NME7: variants seen among roughly 807,000 people sequenced by gnomAD.
NME7 encodes the protein nucleoside diphosphate kinase 7.
A neutral mutation model predicts 49.1 loss-of-function variants in NME7; 41 were observed. That is an observed-to-expected ratio of 0.83 (90% CI 0.65 to 1.08). The LOEUF (loss-of-function observed/expected upper bound fraction) is 1.08. Ranked by LOEUF, NME7 falls within the 50% of genes least tolerant of loss-of-function variation. The pLI is 0.00. For synonymous variants in NME7, 139 were observed against 150.6 expected, an observed-to-expected ratio of 0.92 and a Z score of 0.56; for missense variants, 423 against 463.4, an observed-to-expected ratio of 0.91 and a Z score of 0.80.
chr1:169,278,650 C>T (rs1355480253), intron 7 of NME7, among the ~76,000 whole-genome samples: 2 of 152,110 alleles, frequency 1.3e-5, no homozygotes, highest in East Asian at 1.9e-4. Flanking sequence ...CTATAGCTTG[C>T]AGTAGTTTGA....
chr1:169,171,495 G>A (rs1190721078), intron 10 of NME7, among the ~76,000 whole-genome samples: 1 of 152,228 alleles, frequency 6.6e-6, no homozygotes, highest in Non-Finnish European at 1.5e-5. Context: ...TAGCGCGGTG[G>A]ATCATGCCTG....
intron 1 of NME7, among the ~76,000 whole-genome samples, chr1:169,345,936 G>C (rs1406306649): frequency 1.3e-5 from 2 of 152,028 alleles, no homozygotes; most frequent in African/African-American, 4.8e-5. Flanking sequence ...CCATTGCTCA[G>C]GACAAAATCC....
intron 7 of NME7, among the ~76,000 whole-genome samples, chr1:169,245,043 C>T (rs971692813): frequency 2.0e-5 from 3 of 152,098 alleles, no homozygotes; most frequent in South Asian, 2.1e-4. Flanking sequence ...GCACAAGAAT[C>T]GCTTGAACCC....
chr1:169,175,241 C>A (rs1659718764), intron 10 of NME7, among the ~76,000 whole-genome samples: 1 of 151,982 alleles, frequency 6.6e-6, no homozygotes, highest in Non-Finnish European at 1.5e-5. Flanking sequence ...CATATCTTGT[C>A]CCACTGGAAG....
intron 1 of NME7, among the ~76,000 whole-genome samples, chr1:169,363,167 A>G (rs187828871): frequency 7.9e-4 from 120 of 152,086 alleles, no homozygotes; most frequent in Admixed American, 1.3e-3. Context: ...TGAACTTGGG[A>G]GGTTGAGGCT....
chr1:169,362,966 G>T (rs1653714002), intron 1 of NME7, among the ~76,000 whole-genome samples: 1 of 152,080 alleles, frequency 6.6e-6, no homozygotes, highest in Admixed American at 6.6e-5. Context: ...AGCTGAACGT[G>T]GTGGCTAACA....
intron 10 of NME7, among the ~76,000 whole-genome samples, chr1:169,221,751 G>C (rs1017854040): frequency 2.0e-5 from 3 of 151,756 alleles, no homozygotes; most frequent in Non-Finnish European, 2.9e-5. Flanking sequence ...TTGAGACAGA[G>C]TCTCACTCTG....
chr1:169,341,581 G>C (rs555727614), intron 1 of NME7, among the ~76,000 whole-genome samples: 1 of 152,288 alleles, frequency 6.6e-6, no homozygotes, highest in South Asian at 2.1e-4. Flanking sequence ...TCCACTCACA[G>C]CTTGCACCAT....
At chr1:169,249,391 T>G (rs2101843412) in intron 7 of NME7, among the ~76,000 whole-genome samples, 1 of 152,176 alleles carries the variant, frequency 6.6e-6, no homozygotes, top group East Asian at 1.9e-4. Context: ...GAGGAGTATT[T>G]AGGGTTTTCT....
intron 11 of NME7, among the ~76,000 whole-genome samples, chr1:169,168,624 T>C (rs772919646): frequency 2.0e-5 from 3 of 152,134 alleles, no homozygotes; most frequent in Non-Finnish European, 4.4e-5. Context: ...TGGAAAACAG[T>C]TGACCCTTAA....
At position 169,168,995 on chromosome 1, in the gene NME7, GTGATGGTATAGTCACC is replaced by G. The variant is rs898822950; in HGVS notation, c.1098+436_1098+451del. 7 of 436,126 alleles carry G rather than the reference GTGATGGTATAGTCACC, an allele frequency of 1.6e-5. No individual in the cohort carries two copies. In the Admixed American group the frequency reaches 1.8e-4, roughly 11 times the overall value. The allele number at this position is 436,126 out of a possible 1,614,324, so 27.0% of individuals were successfully genotyped here. On this transcript the variant is annotated intron_variant, in intron 11 of 11. Transcript: ENST00000367811. ...GTATTTTCATGACTAGCAATTTATGGTGATGGTATAGTCACCTGATATAAAAACAAATTTCACAGAA... is the reference window on the plus strand; with the variant it reads ...GTATTTTCATGACTAGCAATTTATGGTGATATAAAAACAAATTTCACAGAA...
chr1:169,177,906 G>A (rs188900371), intron 10 of NME7, among the ~76,000 whole-genome samples: 1,676 of 151,978 alleles, frequency 0.011, 51 homozygotes, highest in African/African-American at 0.039. Flanking sequence ...GCGTGATCGC[G>A]GCTCACTGCA....
Position 169,357,215 on chromosome 1 carries a change from A to G in NME7, c.3+10493T>C, listed in dbSNP as rs544922887. Among the ~76,000 whole-genome samples the G allele has an allele frequency of 1.1e-4, 17 of 152,188 alleles. No homozygotes were observed. The South Asian group carries it at 3.1e-3, about 28-fold the overall frequency. ...CTCTAAGTTAGTATTACAATGTTACAGTGTATCATGTATTTCTCTTCTTCT... is the reference window on the plus strand; with the variant it reads ...CTCTAAGTTAGTATTACAATGTTACGGTGTATCATGTATTTCTCTTCTTCT... On this transcript the variant is annotated intron_variant, in intron 1 of 11. Coordinates refer to ENST00000367811, the MANE Select transcript of NME7 (RefSeq NM_013330.5).
At chr1:169,279,681 T>G (rs1202474769) in intron 7 of NME7, among the ~76,000 whole-genome samples, 1 of 152,168 alleles carries the variant, frequency 6.6e-6, no homozygotes, top group Admixed American at 6.5e-5. Context: ...TCGCGCATGA[T>G]GCGCTGCACC....
At chr1:169,259,736 A>G (rs529755986) in intron 7 of NME7, among the ~76,000 whole-genome samples, 1 of 134,032 alleles carries the variant, frequency 7.5e-6, no homozygotes, top group Non-Finnish European at 1.8e-5. Flanking sequence ...GAAACTTCAT[A>G]TTCTGATTCA....
At chr1:169,191,789 T>C (rs550422398) in intron 10 of NME7, among the ~76,000 whole-genome samples, 1 of 152,224 alleles carries the variant, frequency 6.6e-6, no homozygotes, top group East Asian at 1.9e-4. Flanking sequence ...TACATAAAAA[T>C]GCAGCACTTA....
At chr1:169,265,487 T>A (rs550481414) in intron 7 of NME7, among the ~76,000 whole-genome samples, 1 of 133,082 alleles carries the variant, frequency 7.5e-6, no homozygotes, top group East Asian at 2.0e-4. Flanking sequence ...AAGGCAGTGT[T>A]AAGAGGGAAA....
At chr1:169,169,354 A>C in intron 11 of NME7, 93 bp downstream of exon 11, 1 of 1,089,384 alleles carries the variant, frequency 9.2e-7, no homozygotes, top group Non-Finnish European at 1.4e-6. Context: ...TTGAAGTATA[A>C]CAATAAAACA....
chr1:169,333,326 C>T (rs1652330024), intron 1 of NME7, among the ~76,000 whole-genome samples: 1 of 151,662 alleles, frequency 6.6e-6, no homozygotes, highest in South Asian at 2.1e-4. Context: ...TAGTGGGAGG[C>T]TGTAGGGAAG....
Sources: gnomAD v4.1 joint callset for allele counts (sites outside exome capture counted in the v4.1 genomes callset) on GRCh38, gnomAD v4.1.1 for gene constraint, MANE v1.5 for transcripts, NCBI Gene and HGNC (gene_info 2026-07-23, HGNC 2026-07-21) for gene names.